SMCO2: variants seen among roughly 807,000 people sequenced by gnomAD.
SMCO2 encodes single-pass membrane and coiled-coil domain-containing protein 2.
SMCO2 carries 25 observed loss-of-function variants against 29.5 expected under a neutral mutation model. That is an observed-to-expected ratio of 0.85 (90% CI 0.62 to 1.18). The LOEUF (loss-of-function observed/expected upper bound fraction) is 1.18. SMCO2 is among the 50% of genes most tolerant of loss of function. The pLI is 0.00. For synonymous variants in SMCO2, 117 were observed against 123.3 expected, an observed-to-expected ratio of 0.95 and a Z score of 0.34; for missense variants, 348 against 344.5, an observed-to-expected ratio of 1.01 and a Z score of -0.08.
At chr12:27,482,507 G>A (rs1000113439) in intron 4 of SMCO2, among the ~76,000 whole-genome samples, 1 of 152,142 alleles carries the variant, frequency 6.6e-6, no homozygotes, top group African/African-American at 2.4e-5. Context: ...CAGCACGTTG[G>A]CCAGGCTGGT....
At chr12:27,465,028 CAAAAAAAAAA>C (rs35630976), upstream of SMCO2, among the ~76,000 whole-genome samples, 1 of 60,564 alleles carries the variant, frequency 1.7e-5, no homozygotes, top group East Asian at 4.8e-4. Context: ...GACCCTGTCT[CAAAAAAAAAA>C]AAAAAAAAAA....
the SMCO2 span, among the ~76,000 whole-genome samples, chr12:27,459,186 C>CA: frequency 3.9e-3 from 367 of 94,638 alleles, 3 homozygotes; most frequent in South Asian, 0.022. Flanking sequence ...GACTCCATCT[C>CA]AAAAAAAAAA....
intron 4 of SMCO2, among the ~76,000 whole-genome samples, chr12:27,483,327 G>C (rs1248342360): frequency 6.6e-6 from 1 of 152,018 alleles, no homozygotes; most frequent in Non-Finnish European, 1.5e-5. Context: ...GTACTTTGAG[G>C]CTCTGGTTTT....
intron 1 of SMCO2, among the ~76,000 whole-genome samples, chr12:27,467,411 G>A (rs952187734): frequency 2.6e-5 from 4 of 151,370 alleles, no homozygotes; most frequent in African/African-American, 9.7e-5. Context: ...ACTTTCATAT[G>A]TGTATGAATT....
At chr12:27,473,016 A>C (rs1949554432) in intron 3 of SMCO2, 141 bp downstream of exon 3, 2 of 639,546 alleles carry the variant, frequency 3.1e-6, no homozygotes, top group Non-Finnish European at 5.3e-6. Context: ...AAAGCTTGAA[A>C]TCAGGAGGGA....
chr12:27,438,829 G>A, the SMCO2 span, among the ~76,000 whole-genome samples: 1 of 127,952 alleles, frequency 7.8e-6, no homozygotes, highest in Admixed American at 1.0e-4. Context: ...ATCTTCACCA[G>A]CAACAAACCA....
chr12:27,498,332 C>T (rs967960996), intron 7 of SMCO2: 4 of 227,036 alleles, frequency 1.8e-5, no homozygotes, highest in Admixed American at 1.7e-4. Context: ...AGAATGGAAA[C>T]TAGGCCATGG....
intron 6 of SMCO2, among the ~76,000 whole-genome samples, chr12:27,494,817 C>T (rs1275923000): frequency 6.6e-6 from 1 of 151,874 alleles, no homozygotes; most frequent in Non-Finnish European, 1.5e-5. Context: ...TTATGGCCTT[C>T]CTCCTTCCCT....
chr12:27,494,498 TA>T (rs1942973648), intron 6 of SMCO2, 142 bp downstream of exon 7: 11 of 200,886 alleles, frequency 5.5e-5, no homozygotes, highest in Non-Finnish European at 7.8e-5. Flanking sequence ...TTATTATTAT[TA>T]TTATTATTAT....
chr12:27,428,709 A>G, the SMCO2 span, among the ~76,000 whole-genome samples: 1 of 150,292 alleles, frequency 6.7e-6, no homozygotes, highest in Non-Finnish European at 1.5e-5. Flanking sequence ...AGTTTCTTAG[A>G]CACTCCTGGC....
chr12:27,441,413 CA>C, the SMCO2 span, among the ~76,000 whole-genome samples: 1 of 151,956 alleles, frequency 6.6e-6, no homozygotes, highest in Admixed American at 6.6e-5. Context: ...AACTGGAAAC[CA>C]AAAACAAGCA....
At chr12:27,479,258 T>C (rs1949619146) in intron 4 of SMCO2, among the ~76,000 whole-genome samples, 1 of 151,942 alleles carries the variant, frequency 6.6e-6, no homozygotes, top group South Asian at 2.1e-4. Context: ...TGTGCCCTGG[T>C]GCCAACAGTG....
the SMCO2 span, among the ~76,000 whole-genome samples, chr12:27,429,038 G>C: frequency 6.6e-6 from 1 of 151,974 alleles, no homozygotes; most frequent in Non-Finnish European, 1.5e-5. Context: ...GTTTGATTTA[G>C]CAAAGGTCAA....
the SMCO2 span, chr12:27,446,620 A>T: frequency 6.6e-6 from 1 of 152,160 alleles, no homozygotes; most frequent in African/African-American, 2.4e-5. Context: ...CTCTATCAAG[A>T]TGATGTTGAT....
chr12:27,485,198 TA>T, intron 4 of SMCO2, among the ~76,000 whole-genome samples: 1 of 151,912 alleles, frequency 6.6e-6, no homozygotes, highest in Middle Eastern at 3.4e-3. Context: ...TAAAATTCAC[TA>T]ATCTTTTGGT....
chr12:27,490,720 C>T (rs181826155), intron 5 of SMCO2, among the ~76,000 whole-genome samples: 2,919 of 152,118 alleles, frequency 0.019, 97 homozygotes, highest in African/African-American at 0.067. Flanking sequence ...ACTTGAGGTC[C>T]GGAGTTTGAG....
the SMCO2 span, among the ~76,000 whole-genome samples, chr12:27,455,320 C>T: frequency 2.6e-5 from 4 of 152,142 alleles, no homozygotes; most frequent in East Asian, 1.9e-4. Flanking sequence ...TTCTGAATAT[C>T]GAAATATTTA....
upstream of SMCO2, among the ~76,000 whole-genome samples, chr12:27,463,695 T>C (rs182525892): frequency 4.7e-3 from 708 of 152,236 alleles, 5 homozygotes; most frequent in Middle Eastern, 0.031. Flanking sequence ...ACCACGGAAA[T>C]TGGATGACTA....
the SMCO2 span, among the ~76,000 whole-genome samples, chr12:27,447,938 C>T: frequency 6.6e-6 from 1 of 152,182 alleles, no homozygotes; most frequent in African/African-American, 2.4e-5. Flanking sequence ...CCACCGCAAC[C>T]TTCCCTAGCA....
Sources: gnomAD v4.1 joint callset for allele counts (sites outside exome capture counted in the v4.1 genomes callset) on GRCh38, gnomAD v4.1.1 for gene constraint, MANE v1.5 for transcripts, NCBI Gene and HGNC (gene_info 2026-07-23, HGNC 2026-07-21) for gene names.